The following COL25A1 variants were observed in gnomAD, a reference collection of about 807,000 sequenced individuals.
The protein encoded by COL25A1 is collagen type XXV alpha 1 chain.
A neutral mutation model predicts 128.4 loss-of-function variants in COL25A1; 103 were observed. The observed-to-expected ratio is 0.80, with a 90% CI of 0.68 to 0.94. COL25A1 has a LOEUF of 0.94. Ranked by LOEUF, COL25A1 falls within the 40% of genes least tolerant of loss-of-function variation. The pLI, the probability that COL25A1 is intolerant of heterozygous loss-of-function variation, is 0.00. For missense variants in COL25A1, 745 were observed against 840.0 expected, an observed-to-expected ratio of 0.89 and a Z score of 1.40; for synonymous variants, 279 against 277.2, an observed-to-expected ratio of 1.01 and a Z score of -0.06.
intron 3 of COL25A1, among the ~76,000 whole-genome samples, chr4:109,113,031 G>T (rs1164614080): frequency 1.3e-5 from 2 of 152,140 alleles, no homozygotes; most frequent in Non-Finnish European, 2.9e-5. Context: ...AGCGGTGGCA[G>T]TACATAGGTT....
At chr4:109,146,753 T>C (rs571865696) in intron 3 of COL25A1, among the ~76,000 whole-genome samples, 1 of 152,360 alleles carries the variant, frequency 6.6e-6, no homozygotes, top group South Asian at 2.1e-4. Context: ...AAGAGAAGTG[T>C]GTTTCCACTC....
At chr4:109,032,038 A>T (rs765390418) in intron 5 of COL25A1, among the ~76,000 whole-genome samples, 10 of 152,188 alleles carry the variant, frequency 6.6e-5, no homozygotes, top group Non-Finnish European at 1.0e-4. Context: ...TGAACAGCTA[A>T]CACTTATGGT....
intron 3 of COL25A1, among the ~76,000 whole-genome samples, chr4:109,196,734 T>C (rs902324015): frequency 2.6e-5 from 4 of 152,196 alleles, no homozygotes; most frequent in Non-Finnish European, 5.9e-5. Flanking sequence ...TCCCAGACTA[T>C]GTCTGTAGTG....
At chr4:109,240,017 GGCAATGACACATACGGA>G (rs1301167302) in intron 3 of COL25A1, among the ~76,000 whole-genome samples, 3 of 151,942 alleles carry the variant, frequency 2.0e-5, no homozygotes, top group Admixed American at 6.6e-5. Flanking sequence ...GGTCTTCAGG[GGCAATGACACATACGGA>G]GCTGTCATCT....
At chr4:109,210,714 C>A (rs996927969) in intron 3 of COL25A1, among the ~76,000 whole-genome samples, 1 of 152,014 alleles carries the variant, frequency 6.6e-6, no homozygotes, top group Non-Finnish European at 1.5e-5. Context: ...GAGTCTCCTG[C>A]GATAATTAAG....
At chr4:109,112,816 T>C (rs990961997) in intron 3 of COL25A1, among the ~76,000 whole-genome samples, 1 of 152,186 alleles carries the variant, frequency 6.6e-6, no homozygotes, top group Non-Finnish European at 1.5e-5. Context: ...GCATTCTTTC[T>C]GTTCTTATCC....
At chr4:108,983,210 G>A (rs911491183) in intron 6 of COL25A1, among the ~76,000 whole-genome samples, 4 of 151,970 alleles carry the variant, frequency 2.6e-5, no homozygotes, top group Non-Finnish European at 5.9e-5. Flanking sequence ...TTATTTTTAA[G>A]AGGTCAAATA....
At chr4:109,006,125 A>G (rs1755943940) in intron 6 of COL25A1, among the ~76,000 whole-genome samples, 1 of 152,102 alleles carries the variant, frequency 6.6e-6, no homozygotes, top group Non-Finnish European at 1.5e-5. Context: ...ATTTTCAGTG[A>G]GCCAAGTAAA....
chr4:109,064,416 A>G (rs1232696609), intron 3 of COL25A1, among the ~76,000 whole-genome samples: 1 of 152,232 alleles, frequency 6.6e-6, no homozygotes, highest in Non-Finnish European at 1.5e-5. Context: ...CTACAAGTAA[A>G]TGGATAATAA....
chr4:109,292,069 C>A (rs1204478061), intron 3 of COL25A1, among the ~76,000 whole-genome samples: 1 of 151,982 alleles, frequency 6.6e-6, no homozygotes, highest in Non-Finnish European at 1.5e-5. Flanking sequence ...CTTGGACTTG[C>A]ATTAATTTTC....
chr4:109,108,849 G>T (rs1766713237), intron 3 of COL25A1, among the ~76,000 whole-genome samples: 1 of 151,986 alleles, frequency 6.6e-6, no homozygotes, highest in African/African-American at 2.4e-5. Context: ...CTATAATATA[G>T]TGTAAAAATA....
intron 20 of COL25A1, 27 bp from the exon 21 acceptor site, chr4:108,863,414 T>C: frequency 6.3e-7 from 1 of 1,599,066 alleles, no homozygotes; most frequent in Non-Finnish European, 8.5e-7. Context: ...AACAGGTAAA[T>C]GGTCATTCCC....
At chr4:108,835,971 A>G (rs1733761420) in intron 31 of COL25A1, among the ~76,000 whole-genome samples, 1 of 132,274 alleles carries the variant, frequency 7.6e-6, no homozygotes, top group Non-Finnish European at 1.5e-5. Context: ...TCTCGGGTTT[A>G]TGCCATTCTC....
intron 6 of COL25A1, among the ~76,000 whole-genome samples, chr4:108,992,940 T>C (rs1473635640): frequency 1.3e-5 from 2 of 152,202 alleles, no homozygotes; most frequent in Non-Finnish European, 2.9e-5. Flanking sequence ...GCATTTTTCA[T>C]GTACAACATG....
chr4:109,209,061 T>A (rs1403736482), intron 3 of COL25A1, among the ~76,000 whole-genome samples: 1 of 152,180 alleles, frequency 6.6e-6, no homozygotes, highest in Non-Finnish European at 1.5e-5. Context: ...TGTAGGGGCA[T>A]TGCTTTTGCA....
At chr4:109,240,746 TTAATATCTCTG>T (rs1779845594) in intron 3 of COL25A1, among the ~76,000 whole-genome samples, 2 of 152,090 alleles carry the variant, frequency 1.3e-5, no homozygotes, top group Non-Finnish European at 2.9e-5. Context: ...GGCTAGTGAT[TTAATATCTCTG>T]TACTTCATCT....
intron 18 of COL25A1, among the ~76,000 whole-genome samples, chr4:108,887,156 T>C (rs905547952): frequency 1.2e-4 from 18 of 152,244 alleles, no homozygotes; most frequent in Admixed American, 6.5e-4. Context: ...TCCTACATTA[T>C]GAATATAACT....
chr4:109,172,301 A>G (rs1410008608), intron 3 of COL25A1, among the ~76,000 whole-genome samples: 2 of 152,142 alleles, frequency 1.3e-5, no homozygotes, highest in Non-Finnish European at 2.9e-5. Flanking sequence ...CAGATATTTA[A>G]CCAAGCAGAT....
chr4:109,239,544 G>C (rs1480780408), intron 3 of COL25A1, among the ~76,000 whole-genome samples: 4 of 151,034 alleles, frequency 2.6e-5, no homozygotes, highest in African/African-American at 9.7e-5. Context: ...TAAAAATATA[G>C]TATAAAATAT....
Sources: allele counts gnomAD v4.1 joint callset (sites outside exome capture counted in the v4.1 genomes callset), GRCh38; gene constraint gnomAD v4.1.1; transcripts MANE v1.5; gene names NCBI Gene and HGNC (gene_info 2026-07-23, HGNC 2026-07-21).